ALK: variants seen among roughly 807,000 people sequenced by gnomAD.
ALK encodes ALK receptor tyrosine kinase, also known as ALK tyrosine kinase receptor.
In ALK, 74 loss-of-function variants were observed where a neutral mutation model predicts 163.1. The ratio of observed to expected loss-of-function variants is 0.45; its 90% CI spans 0.38 to 0.55. ALK has a LOEUF of 0.55. Among genes scored for constraint, ALK ranks in the 20% least tolerant of loss-of-function variants. The pLI is 0.00. For missense variants in ALK, 2,063 were observed against 2,105.3 expected, an observed-to-expected ratio of 0.98 and a Z score of 0.39; for synonymous variants, 960 against 843.2, an observed-to-expected ratio of 1.14 and a Z score of -2.40.
chr2:29,682,998 A>G (rs916508223), intron 3 of ALK, among the ~76,000 whole-genome samples: 3 of 152,226 alleles, frequency 2.0e-5, no homozygotes, highest in African/African-American at 7.2e-5. Context: ...ATTTCCAAAT[A>G]CTAACAGCTT....
At chr2:29,478,956 C>T (rs1420586146) in intron 4 of ALK, among the ~76,000 whole-genome samples, 1 of 110,658 alleles carries the variant, frequency 9.0e-6, no homozygotes, top group Non-Finnish European at 2.3e-5. Flanking sequence ...GTTTCTGGCC[C>T]TGCAAAGAAT....
At chr2:29,711,305 T>TG (rs1679094915) in intron 2 of ALK, among the ~76,000 whole-genome samples, 1 of 152,198 alleles carries the variant, frequency 6.6e-6, no homozygotes, top group Non-Finnish European at 1.5e-5. Flanking sequence ...ACTCTTCTCC[T>TG]GACTCTCTGT....
intron 1 of ALK, among the ~76,000 whole-genome samples, chr2:29,756,251 A>G (rs547040535): frequency 7.9e-5 from 12 of 152,298 alleles, no homozygotes; most frequent in African/African-American, 2.9e-4. Context: ...ATTTCCCGGG[A>G]GGACCTTCCG....
chr2:29,398,894 G>C (rs1009225651), intron 4 of ALK, among the ~76,000 whole-genome samples: 8 of 152,148 alleles, frequency 5.3e-5, no homozygotes, highest in Admixed American at 5.2e-4. Context: ...CAAAGCGCTG[G>C]TGGCCTCTGC....
At chr2:29,561,391 C>T (rs960753189) in intron 3 of ALK, among the ~76,000 whole-genome samples, 1 of 152,276 alleles carries the variant, frequency 6.6e-6, no homozygotes, top group African/African-American at 2.4e-5. Flanking sequence ...TGTTTAGGCC[C>T]CTGGCTATAC....
intron 5 of ALK, among the ~76,000 whole-genome samples, chr2:29,383,142 C>T (rs905233423): frequency 1.3e-5 from 2 of 152,040 alleles, no homozygotes; most frequent in Non-Finnish European, 2.9e-5. Context: ...GCCCCTGATC[C>T]TCTCCCTCCT....
intron 1 of ALK, among the ~76,000 whole-genome samples, chr2:29,893,077 G>C (rs972631945): frequency 3.9e-5 from 6 of 152,082 alleles, no homozygotes; most frequent in African/African-American, 1.4e-4. Context: ...TCTATTCTGG[G>C]CCACTCCTGA....
At chr2:29,651,380 C>CAT (rs1363239502) in intron 3 of ALK, among the ~76,000 whole-genome samples, 4 of 152,124 alleles carry the variant, frequency 2.6e-5, no homozygotes, top group Non-Finnish European at 4.4e-5. Context: ...CACACACACA[C>CAT]ATATTCATAC....
chr2:29,574,338 G>A (rs1047879718), intron 3 of ALK, among the ~76,000 whole-genome samples: 1 of 152,180 alleles, frequency 6.6e-6, no homozygotes, highest in African/African-American at 2.4e-5. Context: ...GAATAAGAAG[G>A]CTCTTTCTAA....
chr2:29,342,096 A>C (rs190080520), intron 5 of ALK, among the ~76,000 whole-genome samples: 3 of 152,352 alleles, frequency 2.0e-5, no homozygotes, highest in Admixed American at 2.0e-4. Context: ...TATGACCGAA[A>C]TATACAAGAA....
chr2:29,880,803 C>T, intron 1 of ALK, among the ~76,000 whole-genome samples: 1 of 152,166 alleles, frequency 6.6e-6, no homozygotes, highest in East Asian at 1.9e-4. Flanking sequence ...GGGGCTATAG[C>T]CATTGGCAAG....
At chr2:29,823,714 A>G (rs1213586080) in intron 1 of ALK, among the ~76,000 whole-genome samples, 2 of 152,214 alleles carry the variant, frequency 1.3e-5, no homozygotes, top group African/African-American at 2.4e-5. Flanking sequence ...GCAGCAAAAC[A>G]TTCAAAAGGT....
chr2:29,556,121 A>T (rs577830204), intron 3 of ALK, among the ~76,000 whole-genome samples: 21 of 152,268 alleles, frequency 1.4e-4, no homozygotes, highest in Non-Finnish European at 2.9e-4. Context: ...TGATAGCCCA[A>T]CTAGTATCTG....
chr2:29,641,468 C>T (rs1676699371), intron 3 of ALK, among the ~76,000 whole-genome samples: 1 of 152,116 alleles, frequency 6.6e-6, no homozygotes, highest in African/African-American at 2.4e-5. Context: ...CTGAACAGCC[C>T]CTGGGAAAAA....
intron 4 of ALK, among the ~76,000 whole-genome samples, chr2:29,467,821 AACAAC>A (rs1394651664): frequency 1.3e-5 from 2 of 152,240 alleles, no homozygotes; most frequent in Non-Finnish European, 2.9e-5. Flanking sequence ...AAAAATGTAC[AACAAC>A]TCTTCTCTCT....
At chr2:29,537,527 G>T (rs577536950) in intron 3 of ALK, among the ~76,000 whole-genome samples, 4 of 152,228 alleles carry the variant, frequency 2.6e-5, no homozygotes, top group Non-Finnish European at 2.9e-5. Context: ...GCCATAGGAG[G>T]CATGGGCAGA....
At chr2:29,800,259 A>G (rs1302575820) in intron 1 of ALK, among the ~76,000 whole-genome samples, 1 of 152,210 alleles carries the variant, frequency 6.6e-6, no homozygotes, top group Non-Finnish European at 1.5e-5. Flanking sequence ...GGACTTCAGG[A>G]AAGTCCAGCC....
intron 9 of ALK, among the ~76,000 whole-genome samples, chr2:29,289,534 G>A (rs1484421704): frequency 6.6e-6 from 1 of 152,204 alleles, no homozygotes; most frequent in African/African-American, 2.4e-5. Flanking sequence ...CACTTGTGCT[G>A]CCACAGCAGG....
At chr2:29,777,384 C>T (rs1265979835) in intron 1 of ALK, among the ~76,000 whole-genome samples, 2 of 152,088 alleles carry the variant, frequency 1.3e-5, no homozygotes, top group Non-Finnish European at 2.9e-5. Context: ...TCACTGGCAG[C>T]TAGTTTGTAG....
Sources: gnomAD v4.1 joint callset for allele counts (sites outside exome capture counted in the v4.1 genomes callset) on GRCh38, gnomAD v4.1.1 for gene constraint, MANE v1.5 for transcripts, NCBI Gene and HGNC (gene_info 2026-07-23, HGNC 2026-07-21) for gene names.